The following GNB1 variants were observed in gnomAD, a reference collection of about 807,000 sequenced individuals.
GNB1 encodes G protein subunit beta 1.
A neutral mutation model predicts 42.9 loss-of-function variants in GNB1; 2 were observed. That is an observed-to-expected ratio of 0.05 (90% CI 0.02 to 0.15). GNB1 has a LOEUF of 0.15. Among genes scored for constraint, GNB1 ranks in the 10% least tolerant of loss-of-function variants. GNB1 has a pLI of 1.00. For missense variants in GNB1, 193 were observed against 462.2 expected (o/e 0.42, Z 5.34); for synonymous variants, 183 against 174.7 (o/e 1.05, Z -0.38).
chr1:1,819,655 C>CA (rs961707289), intron 3 of GNB1, among the ~76,000 whole-genome samples: 23 of 152,002 alleles, frequency 1.5e-4, no homozygotes, highest in African/African-American at 5.6e-4. Context: ...CCTCCCACGT[C>CA]AGCCTCCTGA....
intron 1 of GNB1, among the ~76,000 whole-genome samples, chr1:1,890,157 CAGG>C (rs1351886456): frequency 2.6e-5 from 4 of 152,218 alleles, no homozygotes; most frequent in African/African-American, 7.2e-5. Context: ...CGGGCCTCGG[CAGG>C]AGAAGGGCGA....
At position 1,835,814 on chromosome 1, in the gene GNB1, T is replaced by C. The variant is rs1165919592; in HGVS notation, c.-47+3376A>G. Among the ~76,000 whole-genome samples the C allele has an allele frequency of 2.0e-5, 3 of 149,816 alleles. No homozygotes were observed. In the East Asian group the frequency reaches 5.9e-4, roughly 30 times the overall value. On this transcript the variant is annotated intron_variant, in intron 2 of 11. Transcript: ENST00000378609. ...CAGGCCAGGTGCAGTGACTCATGAC[T>C]ATAATCTGAGCACTTTCCGAGGCAA...
At chr1:1,890,115 G>A (rs1275689701) in intron 1 of GNB1, among the ~76,000 whole-genome samples, 1 of 152,036 alleles carries the variant, frequency 6.6e-6, no homozygotes, top group East Asian at 1.9e-4. Context: ...CCCTCGAGTC[G>A]ACACGCGCGG....
intron 5 of GNB1, among the ~76,000 whole-genome samples, chr1:1,810,870 A>G (rs1377363799): frequency 2.6e-5 from 4 of 151,638 alleles, no homozygotes; most frequent in African/African-American, 7.3e-5. Flanking sequence ...GTTTCACCAT[A>G]TTGGGCAGGC....
At chr1:1,843,077 C>G (rs1647402829) in intron 1 of GNB1, among the ~76,000 whole-genome samples, 1 of 152,230 alleles carries the variant, frequency 6.6e-6, no homozygotes, top group African/African-American at 2.4e-5. Flanking sequence ...AGAGGCAATA[C>G]TGACCCCAGT....
At position 1,872,987 on chromosome 1, in the gene GNB1, C is replaced by T. The variant is rs116332142; in HGVS notation, c.-96+17833G>A. ...GAAAGGCTGTGATGAAAAATGGCCA[C>T]GGTTTCTGCAAGTCCCACCATTAAG... On this transcript the variant is annotated intron_variant, in intron 1 of 11. Transcript: ENST00000378609. Among the ~76,000 whole-genome samples the T allele has an allele frequency of 8.3e-3, 1,260 of 152,022 alleles. 21 individuals carry two copies. The highest frequency in any genetic ancestry group is 0.029 in the African/African-American group (1,221 of 41,440).
chr1:1,885,549 A>ATTTTTTTTTT (rs1380160228), intron 1 of GNB1, among the ~76,000 whole-genome samples: 4 of 140,714 alleles, frequency 2.8e-5, no homozygotes, highest in African/African-American at 1.0e-4. Flanking sequence ...CTTCCACTTA[A>ATTTTTTTTTT]TCTTTTTTTT....
chr1:1,889,806 T>C (rs187225731), intron 1 of GNB1, among the ~76,000 whole-genome samples: 26 of 152,108 alleles, frequency 1.7e-4, no homozygotes, highest in African/African-American at 3.9e-4. Context: ...AGAAAAAATA[T>C]AGCAGGTTCT....
At chr1:1,828,441 C>T (rs1647028854) in intron 2 of GNB1, among the ~76,000 whole-genome samples, 1 of 152,112 alleles carries the variant, frequency 6.6e-6, no homozygotes, top group South Asian at 2.1e-4. Context: ...ATTAGATGTT[C>T]TTTTCACATA....
intron 1 of GNB1, among the ~76,000 whole-genome samples, chr1:1,863,854 T>G (rs144809263): frequency 6.6e-6 from 1 of 152,132 alleles, no homozygotes; most frequent in Non-Finnish European, 1.5e-5. Flanking sequence ...TTTTAAAGAA[T>G]AGGACAGAAC....
At chr1:1,880,430 T>A (rs1201731731) in intron 1 of GNB1, among the ~76,000 whole-genome samples, 1 of 151,592 alleles carries the variant, frequency 6.6e-6, no homozygotes, top group Non-Finnish European at 1.5e-5. Context: ...CTACTAAAAA[T>A]ACAAAAAATT....
rs188811023 is a variant in GNB1, at chr1:1,829,013, T to A, written c.-46-3514A>T. ...CTATTGTCAGGCATTTCAATTTTTT[T>A]AAAAAAATTACATTCTCTAGTCTCC... is the stretch of plus-strand genomic sequence containing the variant. On this transcript the variant is annotated intron_variant, in intron 2 of 11. Coordinates refer to ENST00000378609, the MANE Select transcript of GNB1 (RefSeq NM_002074.5). Among the ~76,000 whole-genome samples the A allele has an allele frequency of 8.1e-3, 1,236 of 152,288 alleles. 10 individuals are homozygous for A. The highest frequency in any genetic ancestry group is 0.022 in the African/African-American group (922 of 41,568).
At chr1:1,869,483 C>T (rs987006217) in intron 1 of GNB1, among the ~76,000 whole-genome samples, 1 of 152,160 alleles carries the variant, frequency 6.6e-6, no homozygotes, top group African/African-American at 2.4e-5. Flanking sequence ...GGCAGTGCAG[C>T]ACCAGCAACA....
chr1:1,834,413 T>C (rs1320955992), intron 2 of GNB1, among the ~76,000 whole-genome samples: 1 of 152,206 alleles, frequency 6.6e-6, no homozygotes, highest in Non-Finnish European at 1.5e-5. Context: ...GGCCTCTTTT[T>C]GCTTTTAGGG....
Position 1,806,532 on chromosome 1 carries a change from G to A in GNB1, c.210C>T (p.Leu70=), listed in dbSNP as rs149782013. 3.7e-5 allele frequency: 60 copies of A among 1,605,558 alleles called. No homozygotes were observed. In the African/African-American group the frequency reaches 5.1e-4, roughly 14 times the overall value. ...AMHWGTDSRL[L]VSASQDGKLI... The stretch of plus-strand genomic sequence containing the variant: ...GTTTACCATCCTGCGAGGCACTGAC[G>A]AGAAGCCTGGAGGGACAGACAAAAG... The change falls in exon 6 of 12, where the codon CTC becomes CTT. Residue 70 remains leucine, a synonymous_variant. Transcript: ENST00000378609.
At chr1:1,873,090 C>A (rs756834502) in intron 1 of GNB1, among the ~76,000 whole-genome samples, 2 of 151,546 alleles carry the variant, frequency 1.3e-5, no homozygotes, top group African/African-American at 4.9e-5. Context: ...GGTAGAGATG[C>A]GGTCTCACTA....
At chr1:1,799,423 C>G (rs1214512451) in intron 7 of GNB1, among the ~76,000 whole-genome samples, 1 of 152,100 alleles carries the variant, frequency 6.6e-6, no homozygotes, top group African/African-American at 2.4e-5. Flanking sequence ...AATCCAGCAA[C>G]CTTTGATTAC....
chr1:1,825,892 AC>A (rs1223846188), intron 2 of GNB1, among the ~76,000 whole-genome samples: 4 of 152,062 alleles, frequency 2.6e-5, no homozygotes, highest in Admixed American at 6.6e-5. Context: ...AAGTCTGAGA[AC>A]TATGGTCTCA....
In GNB1 at chr1:1,808,584, G is replaced by T. The variant is rs561371037; in HGVS notation, c.204-2046C>A. 4.6e-5 allele frequency among the ~76,000 whole-genome samples: 7 copies of T among 152,118 alleles called. 1 individual carries two copies. In the South Asian group the frequency reaches 1.5e-3, roughly 32 times the overall value. On this transcript the variant is annotated intron_variant, in intron 5 of 11. Coordinates refer to ENST00000378609, the MANE Select transcript of GNB1 (RefSeq NM_002074.5). Reference sequence around the variant, plus strand: ...ATATCTGTCAGTACGGTAAATGATAGTATAAGGATTTTTAATTTTAAAGTT... The same window carrying T: ...ATATCTGTCAGTACGGTAAATGATATTATAAGGATTTTTAATTTTAAAGTT...
Sources: allele counts gnomAD v4.1 joint callset (sites outside exome capture counted in the v4.1 genomes callset), GRCh38; gene constraint gnomAD v4.1.1; transcripts MANE v1.5; gene names NCBI Gene and HGNC (gene_info 2026-07-23, HGNC 2026-07-21).